The following RXFP1 variants were observed in gnomAD, a reference collection of about 807,000 sequenced individuals.
RXFP1 encodes the protein relaxin receptor 1.
Under a neutral mutation model 89.8 loss-of-function variants are expected in RXFP1, and 73 were observed. That is an observed-to-expected ratio of 0.81 (90% CI 0.67 to 0.99). The LOEUF (loss-of-function observed/expected upper bound fraction) is 0.99, where lower values mean the gene tolerates loss of function less well. RXFP1 is among the 50% of genes least tolerant of loss of function. The pLI, the probability that RXFP1 is intolerant of heterozygous loss-of-function variation, is 0.00. For synonymous variants in RXFP1, 277 were observed against 305.5 expected, an observed-to-expected ratio of 0.91 and a Z score of 0.97; for missense variants, 793 against 895.5, an observed-to-expected ratio of 0.89 and a Z score of 1.46.
intron 17 of RXFP1, among the ~76,000 whole-genome samples, chr4:158,650,628 C>A (rs911445380): frequency 6.6e-6 from 1 of 151,632 alleles, no homozygotes; most frequent in Non-Finnish European, 1.5e-5. Context: ...AATTTAGCTG[C>A]GCCTGGTGGC....
In RXFP1 at chr4:158,652,081, A is replaced by C. The variant is rs757076789; in HGVS notation, c.*26A>C. On this transcript the variant is annotated 3_prime_UTR_variant, in exon 18 of 18. Coordinates refer to ENST00000307765, the MANE Select transcript of RXFP1 (RefSeq NM_021634.4). ...CTGACTCTGAAATTCATTTCTTCGC[A>C]GAGAATACTGTGGGGGTGCTTCATG... 1.9e-6 allele frequency: 3 copies of C among 1,582,022 alleles called. No homozygotes were observed. Among genetic ancestry groups the C allele is most frequent in the Non-Finnish European group, 2.6e-6 (3 of 1,161,264 alleles).
chr4:158,633,477 G>C lies in RXFP1; in HGVS notation c.971+1G>C. On this transcript the variant is annotated splice_donor_variant, in intron 12 of 17. Coordinates refer to ENST00000307765, the MANE Select transcript of RXFP1 (RefSeq NM_021634.4). LOFTEE classifies it high-confidence loss of function. ...AGGACCTGAAGGAGCTGTCACAATTGTAAGACTGATGTTAATTTTGCCACC... is the reference window on the plus strand; with the variant it reads ...AGGACCTGAAGGAGCTGTCACAATTCTAAGACTGATGTTAATTTTGCCACC... 6.4e-7 allele frequency: 1 copy of C among 1,570,818 alleles called. No homozygotes were observed. Among genetic ancestry groups the C allele is most frequent in the Non-Finnish European group, 8.7e-7 (1 of 1,153,278 alleles).
At chr4:158,589,540 G>A (rs1179948568) in intron 2 of RXFP1, among the ~76,000 whole-genome samples, 1 of 152,144 alleles carries the variant, frequency 6.6e-6, no homozygotes, top group Non-Finnish European at 1.5e-5. Context: ...AAGGGCCTGA[G>A]GAGAGTTGGC....
chr4:158,536,017 C>T (rs1258372330), intron 1 of RXFP1, among the ~76,000 whole-genome samples: 2 of 152,130 alleles, frequency 1.3e-5, no homozygotes, highest in Non-Finnish European at 2.9e-5. Context: ...GGACAAAGTG[C>T]TTATACACGG....
At chr4:158,601,623 G>T (rs1005881406) in intron 4 of RXFP1, among the ~76,000 whole-genome samples, 4 of 152,130 alleles carry the variant, frequency 2.6e-5, no homozygotes, top group African/African-American at 9.7e-5. Flanking sequence ...GTTCCATACA[G>T]AAAAAGAACT....
intron 9 of RXFP1, among the ~76,000 whole-genome samples, chr4:158,624,573 A>G (rs1196018050): frequency 6.6e-6 from 1 of 152,186 alleles, no homozygotes; most frequent in Admixed American, 6.5e-5. Context: ...GTTTAAACAC[A>G]GTAAAAAATA....
At chr4:158,637,945 A>G in intron 12 of RXFP1, 63 bp from the exon 13 acceptor site, 1 of 984,726 alleles carries the variant, frequency 1.0e-6, no homozygotes, top group Non-Finnish European at 1.6e-6. Flanking sequence ...AAATAAACAG[A>G]TTCACTCGCT....
chr4:158,623,879 C>A (rs1186962837), intron 9 of RXFP1, among the ~76,000 whole-genome samples: 1 of 152,048 alleles, frequency 6.6e-6, no homozygotes, highest in East Asian at 1.9e-4. Context: ...ACATCTTGTA[C>A]CATGAAGACA....
chr4:158,651,738 T>A lies in RXFP1; in HGVS notation c.1976-19T>A. On this transcript the variant is annotated intron_variant, in intron 17 of 17. Coordinates refer to ENST00000307765, the MANE Select transcript of RXFP1 (RefSeq NM_021634.4). Reference sequence around the variant, plus strand: ...TAAACATCTATAAACACTAAAACTATTTCATTTTTCTTTTTTAGGTACCAT... The same window carrying A: ...TAAACATCTATAAACACTAAAACTAATTCATTTTTCTTTTTTAGGTACCAT... The A allele has an allele frequency of 1.3e-6, 2 of 1,572,238 alleles. No individual in the cohort carries two copies. Among genetic ancestry groups the A allele is most frequent in the Non-Finnish European group, 1.7e-6 (2 of 1,159,036 alleles).
intron 1 of RXFP1, among the ~76,000 whole-genome samples, chr4:158,564,096 T>C (rs1753072916): frequency 6.6e-6 from 1 of 151,978 alleles, no homozygotes; most frequent in African/African-American, 2.4e-5. Context: ...TTACAGCCTT[T>C]AGGAGTCATA....
intron 1 of RXFP1, among the ~76,000 whole-genome samples, chr4:158,569,646 C>T (rs986854588): frequency 1.3e-5 from 2 of 152,164 alleles, no homozygotes; most frequent in Admixed American, 6.5e-5. Context: ...TTATGTGAAA[C>T]GTTATCAAAT....
chr4:158,646,444 C>T (rs2150261359), intron 15 of RXFP1: 1 of 1,243,672 alleles, frequency 8.0e-7, no homozygotes, highest in Admixed American at 2.8e-5. Flanking sequence ...ATCTGAGTCC[C>T]TAACTGAATG....
chr4:158,627,005 A>T (rs747201452), intron 10 of RXFP1, 114 bp downstream of exon 10: 27 of 489,178 alleles, frequency 5.5e-5, no homozygotes, highest in Non-Finnish European at 8.4e-5. Context: ...CTGTTGTTGG[A>T]TCTCAGTTTG....
intron 1 of RXFP1, among the ~76,000 whole-genome samples, chr4:158,532,736 G>A (rs1030026172): frequency 4.6e-5 from 7 of 152,176 alleles, no homozygotes; most frequent in South Asian, 4.1e-4. Context: ...TCTCAGGAGA[G>A]CACAGGAAGC....
chr4:158,633,277 C>A, intron 11 of RXFP1, 128 bp from the exon 12 acceptor site: 1 of 588,782 alleles, frequency 1.7e-6, no homozygotes, highest in Non-Finnish European at 3.0e-6. Context: ...AATTTTTAGA[C>A]TTCTGGTGAT....
intron 1 of RXFP1, among the ~76,000 whole-genome samples, chr4:158,537,780 A>G (rs1187659972): frequency 2.6e-5 from 4 of 152,246 alleles, no homozygotes; most frequent in Non-Finnish European, 5.9e-5. Flanking sequence ...AACAAAAAGT[A>G]AACTAATAAA....
chr4:158,646,347 A>G (rs776219869), intron 15 of RXFP1: 1 of 510,006 alleles, frequency 2.0e-6, no homozygotes. Context: ...CTTGTGAATT[A>G]CTTTCTCCAA....
intron 3 of RXFP1, 98 bp downstream of exon 3, chr4:158,593,597 C>T (rs1207017749): frequency 6.4e-6 from 4 of 626,946 alleles, no homozygotes; most frequent in Non-Finnish European, 7.7e-6. Flanking sequence ...GCATCTCAAT[C>T]TGGAAATCAG....
intron 2 of RXFP1, among the ~76,000 whole-genome samples, chr4:158,591,841 T>C (rs1759541357): frequency 6.6e-6 from 1 of 152,174 alleles, no homozygotes; most frequent in Non-Finnish European, 1.5e-5. Context: ...ATAACTTCAC[T>C]CTCTGTTCAT....
Sources: allele counts gnomAD v4.1 joint callset (sites outside exome capture counted in the v4.1 genomes callset), GRCh38; gene constraint gnomAD v4.1.1; transcripts MANE v1.5; gene names NCBI Gene and HGNC (gene_info 2026-07-23, HGNC 2026-07-21).